The following CTNNA3 variants were observed in gnomAD, a reference collection of about 807,000 sequenced individuals.
CTNNA3 encodes catenin alpha 3, also known as catenin alpha-3.
Under a neutral mutation model 95.7 loss-of-function variants are expected in CTNNA3, and 76 were observed. That is an observed-to-expected ratio of 0.79 (90% confidence interval 0.66 to 0.96). The LOEUF is 0.96. CTNNA3 is among the 40% of genes least tolerant of loss of function. The pLI, the probability that CTNNA3 is intolerant of heterozygous loss-of-function variation, is 0.00. For missense variants in CTNNA3, 1,191 were observed against 1,089.8 expected (o/e 1.09, Z -1.31); for synonymous variants, 431 against 374.4 (o/e 1.15, Z -1.74).
At chr10:65,951,288 G>A (rs2077607252) in intron 17 of CTNNA3, among the ~76,000 whole-genome samples, 1 of 152,122 alleles carries the variant, frequency 6.6e-6, no homozygotes, top group African/African-American at 2.4e-5. Flanking sequence ...AGAAGAATAA[G>A]ATCAGAGATT....
At chr10:66,279,179 G>A (rs12763572) in intron 13 of CTNNA3, among the ~76,000 whole-genome samples, 40,873 of 151,770 alleles carry the variant, frequency 0.27, 6,168 homozygotes, top group African/African-American at 0.4. Context: ...GCCAGACTCC[G>A]TAATATTTAT....
intron 3 of CTNNA3, among the ~76,000 whole-genome samples, chr10:67,542,891 T>C (rs954067373): frequency 6.6e-6 from 1 of 152,144 alleles, no homozygotes; most frequent in Non-Finnish European, 1.5e-5. Context: ...GGTACAGGTT[T>C]CCTTTCCATC....
chr10:66,611,498 G>A lies in CTNNA3; in HGVS notation c.1374+10194C>T, dbSNP rs577305202. On this transcript the variant is annotated intron_variant, in intron 10 of 17. Coordinates refer to ENST00000433211, the MANE Select transcript of CTNNA3 (RefSeq NM_013266.4). ...GGACTTTATGGTAAAAAGTCTGCAA[G>A]GTGGAGCTTCCCAGTGATTCTCTTT... Among the ~76,000 whole-genome samples the A allele has an allele frequency of 1.2e-4, 18 of 152,226 alleles. 1 individual carries two copies. The highest frequency in any genetic ancestry group is 3.6e-4 in the African/African-American group (15 of 41,558).
intron 11 of CTNNA3, among the ~76,000 whole-genome samples, chr10:66,447,492 A>T (rs2093431448): frequency 6.7e-6 from 1 of 148,390 alleles, no homozygotes; most frequent in African/African-American, 2.5e-5. Context: ...GATCAATGGA[A>T]CAGAACAGAG....
At chr10:67,218,469 C>A (rs1338575755) in intron 6 of CTNNA3, among the ~76,000 whole-genome samples, 12 of 152,292 alleles carry the variant, frequency 7.9e-5, no homozygotes, top group African/African-American at 2.9e-4. Flanking sequence ...CTCACCAGAG[C>A]TCCCTGCTGA....
intron 9 of CTNNA3, among the ~76,000 whole-genome samples, chr10:66,661,957 G>T (rs1846279559): frequency 6.6e-6 from 1 of 152,120 alleles, no homozygotes; most frequent in South Asian, 2.1e-4. Context: ...ATTTCATGCA[G>T]CTTCAAAAAG....
chr10:66,062,367 C>T (rs1467523210), intron 15 of CTNNA3, among the ~76,000 whole-genome samples: 1 of 151,954 alleles, frequency 6.6e-6, no homozygotes, highest in Non-Finnish European at 1.5e-5. Flanking sequence ...CTACTACTAC[C>T]ACCAAATGGG....
chr10:67,510,507 T>C (rs1205752864), intron 5 of CTNNA3, among the ~76,000 whole-genome samples: 1 of 151,572 alleles, frequency 6.6e-6, no homozygotes, highest in African/African-American at 2.4e-5. Flanking sequence ...TGGTTGTAGA[T>C]GTGTGGTGTT....
chr10:66,695,568 C>A (rs939496395), intron 9 of CTNNA3, among the ~76,000 whole-genome samples: 2 of 152,132 alleles, frequency 1.3e-5, no homozygotes, highest in African/African-American at 4.8e-5. Flanking sequence ...GAAATAGACA[C>A]AGCTTCTCCC....
chr10:66,859,340 C>G (rs984876072), intron 7 of CTNNA3, among the ~76,000 whole-genome samples: 1 of 151,534 alleles, frequency 6.6e-6, no homozygotes, highest in Non-Finnish European at 1.5e-5. Flanking sequence ...ACAACCCCAT[C>G]AAAAAGTGGG....
chr10:66,325,506 A>C (rs1189435959), intron 12 of CTNNA3, among the ~76,000 whole-genome samples: 1 of 151,978 alleles, frequency 6.6e-6, no homozygotes, highest in Non-Finnish European at 1.5e-5. Flanking sequence ...TGATCTCTGA[A>C]AGTGCTGGGA....
rs549487802 is a variant in CTNNA3 at position 67,513,811 on chromosome 10, A to G, written c.579+8031T>C. 5.3e-5 allele frequency among the ~76,000 whole-genome samples: 8 copies of G among 152,296 alleles called. No homozygotes were observed. The South Asian group carries it at 1.2e-3, about 24-fold the overall frequency. ...AGCATCATGCAGCTTTTCAAACAGGAAAAGAATGCTTTTCATACTATAGGT... is the reference window on the plus strand; with the variant it reads ...AGCATCATGCAGCTTTTCAAACAGGGAAAGAATGCTTTTCATACTATAGGT... On this transcript the variant is annotated intron_variant, in intron 5 of 17. Coordinates refer to ENST00000433211, the MANE Select transcript of CTNNA3 (RefSeq NM_013266.4).
chr10:66,235,787 A>ATG (rs199860851), intron 13 of CTNNA3, among the ~76,000 whole-genome samples: 150,029 of 152,236 alleles, frequency 0.99, 73,948 homozygotes, highest in East Asian at 1. Context: ...CTGACAATTA[A>ATG]TAGGGCCAGA....
chr10:67,030,043 A>AT (rs960728836), intron 7 of CTNNA3, among the ~76,000 whole-genome samples: 2 of 152,190 alleles, frequency 1.3e-5, no homozygotes, highest in African/African-American at 4.8e-5. Context: ...AATAAAATTA[A>AT]TTTTTTTCTA....
chr10:67,230,084 A>G (rs1865115949), intron 5 of CTNNA3, among the ~76,000 whole-genome samples: 1 of 152,226 alleles, frequency 6.6e-6, no homozygotes, highest in Non-Finnish European at 1.5e-5. Flanking sequence ...CTATAAGGCC[A>G]TAGACATGAA....
At chr10:67,522,610 T>C (rs1208106532) in intron 4 of CTNNA3, among the ~76,000 whole-genome samples, 1 of 151,864 alleles carries the variant, frequency 6.6e-6, no homozygotes, top group Admixed American at 6.6e-5. Flanking sequence ...GCAGATGAGT[T>C]ATGATCAGAA....
intron 5 of CTNNA3, among the ~76,000 whole-genome samples, chr10:67,290,132 T>C (rs1175623541): frequency 1.3e-5 from 2 of 152,116 alleles, no homozygotes; most frequent in Admixed American, 1.3e-4. Context: ...CTATTAGCAG[T>C]CTTTAGAACT....
intron 13 of CTNNA3, among the ~76,000 whole-genome samples, chr10:66,241,521 T>C (rs1053276108): frequency 6.6e-6 from 1 of 152,188 alleles, no homozygotes; most frequent in South Asian, 2.1e-4. Flanking sequence ...TCGGAAATCA[T>C]TTAAAATCAG....
At chr10:67,108,224 AT>A (rs1858752602) in intron 7 of CTNNA3, among the ~76,000 whole-genome samples, 2 of 152,196 alleles carry the variant, frequency 1.3e-5, no homozygotes, top group South Asian at 4.1e-4. Context: ...TAAAGTTGTC[AT>A]TTAAAAAGTA....
Sources: gnomAD v4.1 joint callset for allele counts (sites outside exome capture counted in the v4.1 genomes callset) on GRCh38, gnomAD v4.1.1 for gene constraint, MANE v1.5 for transcripts, NCBI Gene and HGNC (gene_info 2026-07-23, HGNC 2026-07-21) for gene names.